Variants in NPEPL1 observed in about 807,000 individuals in gnomAD.
NPEPL1 encodes the protein probable aminopeptidase NPEPL1.
NPEPL1 carries 45 observed loss-of-function variants against 52.4 expected under a neutral mutation model. That is an observed-to-expected ratio of 0.86 (90% CI 0.68 to 1.10). The LOEUF (loss-of-function observed/expected upper bound fraction) is 1.10, where lower values mean the gene tolerates loss of function less well. Ranked by LOEUF, NPEPL1 falls within the 50% of genes least tolerant of loss-of-function variation. NPEPL1 has a pLI of 0.00. For missense variants in NPEPL1, 696 were observed against 710.9 expected (o/e 0.98, Z 0.24); for synonymous variants, 360 against 314.7 (o/e 1.14, Z -1.52).
Position 58,713,528 on chromosome 20 carries a change from C to T in NPEPL1, c.1110C>T (p.Thr370=), listed in dbSNP as rs1457775003. Residue 370 remains threonine, a synonymous_variant, in exon 9 of 12, where the codon ACC becomes ACT. Coordinates refer to ENST00000356091, the MANE Select transcript of NPEPL1 (RefSeq NM_024663.4). The surrounding 1 kb of genome is among the most constrained non-coding windows in gnomAD (Gnocchi z 4.6). ...CCGACATCATCCTGGACATGGCCACCCTGACCGGGGCTCAGGTGAGTGCTC... is the reference window on the plus strand; with the variant it reads ...CCGACATCATCCTGGACATGGCCACTCTGACCGGGGCTCAGGTGAGTGCTC... ...LGADIILDMA[T]LTGAQGIATG... The T allele has an allele frequency of 1.2e-6, 2 of 1,607,812 alleles. No individual in the cohort carries two copies. Among genetic ancestry groups the T allele is most frequent in the Non-Finnish European group, 1.7e-6 (2 of 1,176,718 alleles).
Position 58,715,555 on chromosome 20 carries a change from T to G in NPEPL1, c.*229T>G, listed in dbSNP as rs1180475876. On this transcript the variant is annotated 3_prime_UTR_variant, in exon 12 of 12. Coordinates refer to ENST00000356091, the MANE Select transcript of NPEPL1 (RefSeq NM_024663.4). ...TGTTTCTGTTTGTTACTTACAGGAC[T>G]GAGACATCTTCTGTAAACTGCTACC... 2 of 469,118 alleles carry G rather than the reference T, an allele frequency of 4.3e-6. No homozygotes were observed. Among genetic ancestry groups the G allele is most frequent in the African/African-American group, 4.1e-5 (2 of 48,776 alleles). 29.1% of individuals were successfully genotyped at this position (469,118 alleles called of 1,614,324 possible).
At chr20:58,714,505 G>A in intron 10 of NPEPL1, 55 bp from the exon 11 acceptor site, 1 of 1,310,508 alleles carries the variant, frequency 7.6e-7, no homozygotes, top group Non-Finnish European at 1.0e-6. Flanking sequence ...GGGGCAGGGT[G>A]GAGAGGGCCC....
intron 6 of NPEPL1, chr20:58,705,686 G>A (rs1279371458): frequency 2.5e-6 from 1 of 403,764 alleles, no homozygotes; most frequent in Non-Finnish European, 5.1e-6. Context: ...CAATCAATCA[G>A]TTGAGCTGTA....
Position 58,713,719 on chromosome 20 carries a change from A to C in NPEPL1, c.1125+176A>C. ...CTTGGTGTGGGCAGTACCGAGGCCC[A>C]GGCTGGATGCAGAGCCGGGAACCGC... On this transcript the variant is annotated intron_variant, in intron 9 of 11. Transcript: ENST00000356091. The surrounding 1 kb of genome is among the most constrained non-coding windows in gnomAD (Gnocchi z 4.6). 2 of 1,095,186 alleles carry C rather than the reference A, an allele frequency of 1.8e-6. No individual in the cohort carries two copies. Among genetic ancestry groups the C allele is most frequent in the Non-Finnish European group, 2.5e-6 (2 of 801,340 alleles). 67.8% of individuals were successfully genotyped at this position (1,095,186 alleles called of 1,614,324 possible). A position where few individuals can be genotyped will look rare whatever the true frequency, so the allele number is the denominator to read the frequency against.
chr20:58,694,586 A>G lies in NPEPL1; in HGVS notation c.501A>G (p.Thr167=). 1.2e-6 allele frequency: 2 copies of G among 1,611,748 alleles called. No homozygotes were observed. Among genetic ancestry groups the G allele is most frequent in the Non-Finnish European group, 1.7e-6 (2 of 1,178,800 alleles). The change falls in exon 3 of 12, where the codon ACA becomes ACG. Residue 167 remains threonine (T), a synonymous_variant. Coordinates refer to ENST00000356091, the MANE Select transcript of NPEPL1 (RefSeq NM_024663.4). Reference sequence around the variant, plus strand: ...ACAACGGGCCGGTGGAGGTGTCCACATTGCAGGTGGGTGTCTGGAAGGGCA... The same window carrying G: ...ACAACGGGCCGGTGGAGGTGTCCACGTTGCAGGTGGGTGTCTGGAAGGGCA... ...GQDNGPVEVS[T]LQCLANATDG...
rs372222254 is a variant in NPEPL1 at position 58,714,664 on chromosome 20, G to A, written c.1407G>A (p.Val469=). 3.0e-5 allele frequency: 48 copies of A among 1,588,312 alleles called. No homozygotes were observed. Among genetic ancestry groups the A allele is most frequent in the Non-Finnish European group, 3.8e-5 (44 of 1,169,298 alleles). ...VWVHLDIAAP[V]HAGERATGFG... ...TCCACCTGGACATTGCTGCACCGGT[G>A]CATGCTGTGAGTGTCTCCCCTCCCC... is the stretch of plus-strand genomic sequence containing the variant. The change falls in exon 11 of 12, where the codon GTG becomes GTA. Residue 469 remains valine, a synonymous_variant. Coordinates refer to ENST00000356091, the MANE Select transcript of NPEPL1 (RefSeq NM_024663.4).
upstream of NPEPL1, chr20:58,690,989 T>C: frequency 1.5e-6 from 1 of 652,382 alleles, no homozygotes. Context: ...ACCACACAGG[T>C]TTCAGAGCCT....
intron 2 of NPEPL1, 49 bp from the exon 3 acceptor site, chr20:58,694,373 C>T: frequency 6.5e-7 from 1 of 1,544,236 alleles, no homozygotes; most frequent in Non-Finnish European, 8.7e-7. Context: ...CCCTGCACTC[C>T]CTGGTGGCGG....
At position 58,710,009 on chromosome 20, in the gene NPEPL1, G is replaced by A. The variant is rs956398744; in HGVS notation, c.901-2470G>A. 7.3e-5 allele frequency among the ~76,000 whole-genome samples: 11 copies of A among 150,794 alleles called. No homozygotes were observed. In the East Asian group the frequency reaches 2.1e-3, roughly 29 times the overall value. On this transcript the variant is annotated intron_variant, in intron 7 of 11. Coordinates refer to ENST00000356091, the MANE Select transcript of NPEPL1 (RefSeq NM_024663.4). The stretch of plus-strand genomic sequence containing the variant: ...CTGACATTGGCAGAATCTGGGTGAA[G>A]GGTGTTGAGGAATTGTTTGTGGCTT...
At position 58,712,112 on chromosome 20, in the gene NPEPL1, CGT is replaced by C. The variant is rs3040648; in HGVS notation, c.901-352_901-351del. Among the ~76,000 whole-genome samples the C allele has an allele frequency of 6.5e-4, 55 of 84,550 alleles. No homozygotes were observed. The Middle Eastern group carries it at 0.018, about 27-fold the overall frequency. The allele number at this position is 84,550 out of a possible 152,430, so 55.5% of individuals were successfully genotyped here. On this transcript the variant is annotated intron_variant, in intron 7 of 11. Transcript: ENST00000356091. ...CTCTTCCTGCCCCTCTGTGTGTGTA[CGT>C]GTGTGTGTGTGTGTATTGAGGGGAC...
rs1415724544 is a variant in NPEPL1, at chr20:58,701,317, G to T, written c.822+159G>T. Among the ~76,000 whole-genome samples the T allele has an allele frequency of 9.9e-4, 100 of 101,342 alleles. 1 individual carries two copies. Among genetic ancestry groups the T allele is most frequent in the East Asian group, 5.9e-3 (24 of 4,050 alleles). The allele number at this position is 101,342 out of a possible 152,430, so 66.5% of individuals were successfully genotyped here. ...CTCTCCAGGGTGCCCTGGGGTTGGGGTGGGGTGGGGTGGGGAGGGGAAGGT... is the reference window on the plus strand; with the variant it reads ...CTCTCCAGGGTGCCCTGGGGTTGGGTTGGGGTGGGGTGGGGAGGGGAAGGT... On this transcript the variant is annotated intron_variant, in intron 6 of 11. Transcript: ENST00000356091.
chr20:58,705,647 C>T (rs1052338790), intron 6 of NPEPL1: 6 of 437,810 alleles, frequency 1.4e-5, no homozygotes, highest in Middle Eastern at 3.4e-4. Context: ...AAAACAGAAA[C>T]AACATATGGG....
At chr20:58,694,842 A>G (rs1328815697) in intron 3 of NPEPL1, among the ~76,000 whole-genome samples, 1 of 152,262 alleles carries the variant, frequency 6.6e-6, no homozygotes, top group African/African-American at 2.4e-5. Context: ...AATCAGTGCC[A>G]GGAACGTCCA....
chr20:58,697,631 G>A (rs867393251), intron 3 of NPEPL1, among the ~76,000 whole-genome samples: 8 of 152,218 alleles, frequency 5.3e-5, no homozygotes, highest in African/African-American at 9.6e-5. Context: ...GCAAAACAGC[G>A]CTGCTCTTCT....
chr20:58,699,273 T>C lies in NPEPL1; in HGVS notation c.674T>C (p.Phe225Ser), dbSNP rs1377896596. Residue 225 changes from phenylalanine (F) to serine (S), a missense_variant, in exon 5 of 12, where the codon TTT becomes TCT. By Grantham distance (155) the Phe-to-Ser change is radical. Coordinates refer to ENST00000356091, the MANE Select transcript of NPEPL1 (RefSeq NM_024663.4). ...IRDEELKTRGFGGIYGVGKAA... is the reference protein window; with the variant it reads ...IRDEELKTRGSGGIYGVGKAA... ...GATGAGGAACTGAAGACGAGAGGAT[T>C]TGGAGGTGGGTGGGGGCTGCATCCC... is the stretch of plus-strand genomic sequence containing the variant. 1.9e-6 allele frequency: 3 copies of C among 1,604,758 alleles called. No homozygotes were observed. Among genetic ancestry groups the C allele is most frequent in the Non-Finnish European group, 2.6e-6 (3 of 1,175,534 alleles).
chr20:58,693,943 C>A, intron 2 of NPEPL1, 21 bp downstream of exon 2: 1 of 1,538,780 alleles, frequency 6.5e-7, no homozygotes, highest in Non-Finnish European at 8.8e-7. Flanking sequence ...CGAGAGGAGG[C>A]AGCCACGGTG....
upstream of NPEPL1, chr20:58,691,694 T>TC: frequency 3.6e-5 from 2 of 56,256 alleles, no homozygotes; most frequent in Non-Finnish European, 6.2e-5. Flanking sequence ...TTTTCTTTTC[T>TC]TTTTTTTTTT....
intron 6 of NPEPL1, among the ~76,000 whole-genome samples, chr20:58,702,514 C>G (rs1197210304): frequency 2.0e-5 from 3 of 152,176 alleles, no homozygotes; most frequent in African/African-American, 7.2e-5. Flanking sequence ...GAAAATGACA[C>G]TAATCATAAA....
At chr20:58,702,470 TC>T (rs1034085729) in intron 6 of NPEPL1, among the ~76,000 whole-genome samples, 6 of 152,246 alleles carry the variant, frequency 3.9e-5, no homozygotes, top group African/African-American at 1.4e-4. Flanking sequence ...TTCCCATCCC[TC>T]CTCTAAACCA....
Sources: gnomAD v4.1 joint callset for allele counts (sites outside exome capture counted in the v4.1 genomes callset) on GRCh38, gnomAD v4.1.1 for gene constraint, Gnocchi (gnomAD v3.1) non-coding constraint, MANE v1.5 for transcripts, NCBI Gene and HGNC (gene_info 2026-07-23, HGNC 2026-07-21) for gene names.